Variants in BABAM2 observed in about 807,000 individuals in gnomAD.
BABAM2 encodes the protein BRISC and BRCA1 A complex member 2.
In BABAM2, 31 loss-of-function variants were observed where a neutral mutation model predicts 54.7. That is an observed-to-expected ratio of 0.57 (90% CI 0.43 to 0.77). The LOEUF (loss-of-function observed/expected upper bound fraction) is 0.77, where lower values mean the gene tolerates loss of function less well. Ranked by LOEUF, BABAM2 falls within the 30% of genes least tolerant of loss-of-function variation. The probability of loss-of-function intolerance (pLI) is 0.00; values close to 1 mark genes in which losing one functional copy is unlikely to be tolerated. For synonymous variants in BABAM2, 167 were observed against 162.9 expected, an observed-to-expected ratio of 1.03 and a Z score of -0.19; for missense variants, 364 against 455.8, an observed-to-expected ratio of 0.80 and a Z score of 1.83.
chr2:28,190,213 T>A (rs1178554557), intron 7 of BABAM2, among the ~76,000 whole-genome samples: 1 of 152,222 alleles, frequency 6.6e-6, no homozygotes, highest in African/African-American at 2.4e-5. Context: ...CAGGCTATTA[T>A]AACAAAATAC....
intron 6 of BABAM2, among the ~76,000 whole-genome samples, chr2:28,063,398 C>G (rs1316247547): frequency 6.6e-6 from 1 of 152,160 alleles, no homozygotes; most frequent in East Asian, 1.9e-4. Flanking sequence ...GCATTATACT[C>G]AAAATATCAT....
chr2:27,937,531 C>A (rs1399601107), intron 3 of BABAM2, among the ~76,000 whole-genome samples: 2 of 152,182 alleles, frequency 1.3e-5, no homozygotes, highest in Non-Finnish European at 2.9e-5. Flanking sequence ...GAGATGATAT[C>A]TCATTGTGGT....
At chr2:28,219,345 C>G (rs1558445890) in intron 7 of BABAM2, among the ~76,000 whole-genome samples, 1 of 152,232 alleles carries the variant, frequency 6.6e-6, no homozygotes, top group African/African-American at 2.4e-5. Context: ...TCTCATGCTT[C>G]AAGTTTTTCC....
chr2:28,123,436 A>G (rs1669245865), intron 6 of BABAM2, among the ~76,000 whole-genome samples: 1 of 152,182 alleles, frequency 6.6e-6, no homozygotes. Flanking sequence ...TGCAGTTTCA[A>G]ATGGTGCAGA....
intron 7 of BABAM2, among the ~76,000 whole-genome samples, chr2:28,163,006 T>C (rs945063891): frequency 6.6e-6 from 1 of 152,234 alleles, no homozygotes; most frequent in Non-Finnish European, 1.5e-5. Flanking sequence ...ATTGGTTTTT[T>C]AGTCCCAATT....
intron 6 of BABAM2, among the ~76,000 whole-genome samples, chr2:28,115,798 T>C (rs1225412179): frequency 1.1e-4 from 17 of 151,638 alleles, no homozygotes; most frequent in Admixed American, 1.1e-3. Context: ...GTAGTTAGGA[T>C]GTATCAGCAG....
chr2:28,016,506 G>A (rs975820298), intron 4 of BABAM2: 23 of 917,572 alleles, frequency 2.5e-5, no homozygotes, highest in African/African-American at 8.2e-5. Flanking sequence ...GCACACAGTC[G>A]CACGCCGAGG....
intron 5 of BABAM2, among the ~76,000 whole-genome samples, chr2:28,043,241 A>G (rs1276797143): frequency 6.7e-6 from 1 of 149,950 alleles, no homozygotes; most frequent in Non-Finnish European, 1.5e-5. Flanking sequence ...AGGGATTCTC[A>G]TGCCTCAGCC....
chr2:28,141,598 A>G (rs973587911), intron 7 of BABAM2, among the ~76,000 whole-genome samples: 5 of 152,178 alleles, frequency 3.3e-5, no homozygotes, highest in African/African-American at 1.2e-4. Context: ...TGATGGGGAC[A>G]GAAGAATTCC....
At chr2:28,174,760 G>A (rs1674737122) in intron 7 of BABAM2, among the ~76,000 whole-genome samples, 1 of 152,158 alleles carries the variant, frequency 6.6e-6, no homozygotes, top group African/African-American at 2.4e-5. Flanking sequence ...CATCCCCTGA[G>A]TCCTAAGCAG....
chr2:28,073,329 T>C (rs1664342966), intron 6 of BABAM2, among the ~76,000 whole-genome samples: 1 of 152,054 alleles, frequency 6.6e-6, no homozygotes, highest in African/African-American at 2.4e-5. Flanking sequence ...ACCTTGTCTT[T>C]ACAAAAAAAA....
intron 7 of BABAM2, among the ~76,000 whole-genome samples, chr2:28,141,741 A>G (rs1014678207): frequency 6.6e-6 from 1 of 152,140 alleles, no homozygotes; most frequent in Admixed American, 6.6e-5. Context: ...CAGATTTTCC[A>G]TGATTTTCTC....
chr2:28,195,716 T>C (rs1190130057), intron 7 of BABAM2, among the ~76,000 whole-genome samples: 1 of 152,228 alleles, frequency 6.6e-6, no homozygotes, highest in African/African-American at 2.4e-5. Flanking sequence ...AAAGTGACTG[T>C]CATAGGACAG....
At chr2:28,316,295 G>A (rs1040165033) in intron 11 of BABAM2, among the ~76,000 whole-genome samples, 4 of 151,836 alleles carry the variant, frequency 2.6e-5, no homozygotes, top group Non-Finnish European at 5.9e-5. Flanking sequence ...AAGGCTCCAC[G>A]CAGCAGGCTT....
intron 11 of BABAM2, among the ~76,000 whole-genome samples, chr2:28,301,827 C>A (rs1247054950): frequency 1.3e-5 from 2 of 152,154 alleles, no homozygotes; most frequent in African/African-American, 2.4e-5. Context: ...TTAACCAAAC[C>A]ATGAGTACTT....
At chr2:28,324,113 A>C (rs551292131) in intron 11 of BABAM2, among the ~76,000 whole-genome samples, 1 of 152,284 alleles carries the variant, frequency 6.6e-6, no homozygotes, top group African/African-American at 2.4e-5. Flanking sequence ...TGTAGAACAA[A>C]TGTAGGTGCA....
At chr2:28,239,866 A>G (rs996182916) in intron 8 of BABAM2, among the ~76,000 whole-genome samples, 1 of 152,170 alleles carries the variant, frequency 6.6e-6, no homozygotes. Context: ...ATGTCCATAG[A>G]CTATTCACTG....
At chr2:28,306,569 T>TA (rs1558516939) in intron 11 of BABAM2, among the ~76,000 whole-genome samples, 1 of 152,172 alleles carries the variant, frequency 6.6e-6, no homozygotes, top group East Asian at 1.9e-4. Flanking sequence ...ATGGTATATA[T>TA]TTTTTTCATC....
At chr2:28,026,781 AT>A (rs1286844566) in intron 5 of BABAM2, among the ~76,000 whole-genome samples, 55 of 98,900 alleles carry the variant, frequency 5.6e-4, no homozygotes, top group Admixed American at 1.7e-3. Context: ...ATATAAAAAA[AT>A]ATAAATATAT....
Sources: gnomAD v4.1 joint callset for allele counts (sites outside exome capture counted in the v4.1 genomes callset) on GRCh38, gnomAD v4.1.1 for gene constraint, MANE v1.5 for transcripts, NCBI Gene and HGNC (gene_info 2026-07-23, HGNC 2026-07-21) for gene names.